The following ATG7 variants were observed in gnomAD, a reference collection of about 807,000 sequenced individuals.
ATG7 encodes the protein ubiquitin-like modifier-activating enzyme ATG7.
Under a neutral mutation model 82.4 loss-of-function variants are expected in ATG7, and 70 were observed. The ratio of observed to expected loss-of-function variants is 0.85; its 90% confidence interval spans 0.70 to 1.04. The LOEUF is 1.04. ATG7 is among the 50% of genes least tolerant of loss of function. The pLI is 0.00. For synonymous variants in ATG7, 287 were observed against 313.0 expected, an observed-to-expected ratio of 0.92 and a Z score of 0.88; for missense variants, 792 against 864.3, an observed-to-expected ratio of 0.92 and a Z score of 1.05.
chr3:11,381,710 T>C (rs1440746899), intron 19 of ATG7, among the ~76,000 whole-genome samples: 2 of 152,242 alleles, frequency 1.3e-5, no homozygotes, highest in Non-Finnish European at 2.9e-5. Context: ...GTTGGACGAT[T>C]TAATACAAAC....
chr3:11,465,432 G>C (rs2086730812), intron 20 of ATG7, among the ~76,000 whole-genome samples: 1 of 138,000 alleles, frequency 7.2e-6, no homozygotes, highest in Admixed American at 7.7e-5. Flanking sequence ...GTGACAGAGA[G>C]AGACTCTGTC....
chr3:11,561,193 G>A (rs576633931), downstream of ATG7, among the ~76,000 whole-genome samples: 3 of 152,244 alleles, frequency 2.0e-5, no homozygotes, highest in East Asian at 5.8e-4. Flanking sequence ...TGCAGCGAGC[G>A]TGTCCTGACC....
At chr3:11,317,384 C>G (rs1191269116) in intron 9 of ATG7, among the ~76,000 whole-genome samples, 1 of 151,996 alleles carries the variant, frequency 6.6e-6, no homozygotes, top group Non-Finnish European at 1.5e-5. Flanking sequence ...GCAGCTCTGC[C>G]AAAATAATAA....
chr3:11,493,504 G>A (rs1440210853), intron 20 of ATG7, among the ~76,000 whole-genome samples: 1 of 152,212 alleles, frequency 6.6e-6, no homozygotes, highest in African/African-American at 2.4e-5. Context: ...TGGGCCAAGG[G>A]TTTCAGGCTA....
chr3:11,326,586 C>G (rs920688670), intron 9 of ATG7, among the ~76,000 whole-genome samples: 1 of 152,238 alleles, frequency 6.6e-6, no homozygotes, highest in African/African-American at 2.4e-5. Context: ...GCGTGAGCCA[C>G]TGCACCCGGC....
chr3:11,355,334 G>C (rs533578605), intron 14 of ATG7, among the ~76,000 whole-genome samples: 1 of 152,272 alleles, frequency 6.6e-6, no homozygotes, highest in Non-Finnish European at 1.5e-5. Context: ...TTGTGATAAA[G>C]ATTTCTTAGG....
At chr3:11,353,841 T>C (rs943881812) in intron 14 of ATG7, among the ~76,000 whole-genome samples, 1 of 152,206 alleles carries the variant, frequency 6.6e-6, no homozygotes, top group Admixed American at 6.5e-5. Context: ...TAAACCTCTT[T>C]TCATTTAATT....
At chr3:11,320,519 C>T (rs962285980) in intron 9 of ATG7, among the ~76,000 whole-genome samples, 29 of 152,184 alleles carry the variant, frequency 1.9e-4, no homozygotes, top group African/African-American at 7.0e-4. Context: ...TACTCCTGAC[C>T]TCAGGTGATC....
chr3:11,431,848 CTTTATA>C (rs1028455556), intron 20 of ATG7, among the ~76,000 whole-genome samples: 4 of 152,092 alleles, frequency 2.6e-5, no homozygotes, highest in Admixed American at 6.5e-5. Flanking sequence ...CTACAAATTC[CTTTATA>C]TTTATATAGA....
intron 20 of ATG7, among the ~76,000 whole-genome samples, chr3:11,463,193 A>G (rs1054873665): frequency 6.6e-6 from 1 of 151,536 alleles, no homozygotes; most frequent in African/African-American, 2.4e-5. Context: ...CCCCTCTCAG[A>G]TATTTCTATC....
At chr3:11,359,782 T>G (rs919878842) in intron 15 of ATG7, among the ~76,000 whole-genome samples, 1 of 151,860 alleles carries the variant, frequency 6.6e-6, no homozygotes, top group Non-Finnish European at 1.5e-5. Context: ...TTCCAGCTAC[T>G]GGGATACCAA....
chr3:11,559,411 G>A (rs748637911), downstream of ATG7: 2 of 1,563,400 alleles, frequency 1.3e-6, no homozygotes, highest in African/African-American at 1.4e-5. Flanking sequence ...AGAGGTTGCA[G>A]TTGCGGGCGC....
intron 20 of ATG7, among the ~76,000 whole-genome samples, chr3:11,501,926 T>G (rs1355527557): frequency 6.6e-6 from 1 of 152,108 alleles, no homozygotes; most frequent in Non-Finnish European, 1.5e-5. Context: ...CTGACCTCAG[T>G]TGATCCCCTG....
chr3:11,380,264 T>C (rs556268969), intron 19 of ATG7, among the ~76,000 whole-genome samples: 1 of 152,172 alleles, frequency 6.6e-6, no homozygotes, highest in Non-Finnish European at 1.5e-5. Flanking sequence ...GTAGGGAGAC[T>C]GAGTTAAAAT....
intron 18 of ATG7, among the ~76,000 whole-genome samples, chr3:11,372,246 G>T (rs1416225233): frequency 6.6e-5 from 10 of 151,026 alleles, no homozygotes; most frequent in Admixed American, 6.0e-4. Context: ...TTCCCAGGTG[G>T]GTTTTTTAAT....
intron 13 of ATG7, 83 bp from the exon 14 acceptor site, chr3:11,347,794 C>T: frequency 7.0e-7 from 1 of 1,428,296 alleles, no homozygotes; most frequent in Non-Finnish European, 9.3e-7. Flanking sequence ...TTCTCCAAAC[C>T]AATATTCTTT....
chr3:11,377,347 A>T (rs905629285), intron 18 of ATG7, among the ~76,000 whole-genome samples: 10 of 152,212 alleles, frequency 6.6e-5, no homozygotes, highest in Non-Finnish European at 1.3e-4. Context: ...TTCCTAGTAA[A>T]GAACTGTCTG....
In ATG7 at chr3:11,360,838, G is replaced by T. The variant is rs1322027994; in HGVS notation, c.1683+54G>T. The T allele has an allele frequency of 1.9e-6, 3 of 1,564,010 alleles. No individual in the cohort carries two copies. The African/African-American group carries it at 4.1e-5, about 21-fold the overall frequency. On this transcript the variant is annotated intron_variant, in intron 16 of 20. Transcript: ENST00000693202. ...ATTTCCTATCACCAACTTGTACACT[G>T]AGGCAGACCGACTTGGCCCTTTCAT...
At chr3:11,292,242 C>T (rs959130352) in intron 3 of ATG7, among the ~76,000 whole-genome samples, 1 of 150,332 alleles carries the variant, frequency 6.7e-6, no homozygotes, top group African/African-American at 2.4e-5. Flanking sequence ...TTATTTTTTT[C>T]TTTCTTTCTT....
Sources: gnomAD v4.1 joint callset for allele counts (sites outside exome capture counted in the v4.1 genomes callset) on GRCh38, gnomAD v4.1.1 for gene constraint, MANE v1.5 for transcripts, NCBI Gene and HGNC (gene_info 2026-07-23, HGNC 2026-07-21) for gene names.